The following KCNMB2 variants were observed in gnomAD, a reference collection of about 807,000 sequenced individuals.
The protein encoded by KCNMB2 is potassium calcium-activated channel subfamily M regulatory beta subunit 2.
A neutral mutation model predicts 24.5 loss-of-function variants in KCNMB2; 9 were observed. That is an observed-to-expected ratio of 0.37 (90% CI 0.22 to 0.64). The LOEUF is 0.64. Ranked by LOEUF, KCNMB2 falls within the 30% of genes least tolerant of loss-of-function variation. KCNMB2 has a pLI of 0.63. For missense variants in KCNMB2, 226 were observed against 284.3 expected, an observed-to-expected ratio of 0.79 and a Z score of 1.47; for synonymous variants, 109 against 104.4, an observed-to-expected ratio of 1.04 and a Z score of -0.27.
At chr3:178,745,511 G>T (rs1723636109) in intron 1 of KCNMB2, among the ~76,000 whole-genome samples, 1 of 151,982 alleles carries the variant, frequency 6.6e-6, no homozygotes, top group Non-Finnish European at 1.5e-5. Flanking sequence ...TCCACCCTTG[G>T]CCCCTCCCAA....
chr3:178,658,096 A>C (rs1400491497), intron 1 of KCNMB2, among the ~76,000 whole-genome samples: 1 of 152,174 alleles, frequency 6.6e-6, no homozygotes, highest in Non-Finnish European at 1.5e-5. Context: ...CTGTCTTGGT[A>C]TTGGCACTTT....
chr3:178,770,250 A>G (rs1275916162), intron 1 of KCNMB2, among the ~76,000 whole-genome samples: 4 of 152,228 alleles, frequency 2.6e-5, no homozygotes, highest in Non-Finnish European at 5.9e-5. Context: ...AGGCTATGCC[A>G]AGAACAAGAC....
At chr3:178,537,569 T>C (rs913635308) in intron 1 of KCNMB2, among the ~76,000 whole-genome samples, 1 of 152,232 alleles carries the variant, frequency 6.6e-6, no homozygotes, top group African/African-American at 2.4e-5. Flanking sequence ...AGGAACTTAT[T>C]ATACTGCTTT....
intron 1 of KCNMB2, among the ~76,000 whole-genome samples, chr3:178,783,801 T>C (rs1023518576): frequency 6.6e-5 from 10 of 152,186 alleles, no homozygotes; most frequent in Non-Finnish European, 4.4e-5. Context: ...TCCTGCCTAA[T>C]TGCCCTGGCC....
chr3:178,627,258 CCT>C (rs1470459527), intron 1 of KCNMB2, among the ~76,000 whole-genome samples: 1 of 152,088 alleles, frequency 6.6e-6, no homozygotes, highest in Non-Finnish European at 1.5e-5. Flanking sequence ...TAATATTTTT[CCT>C]TAAATGTACA....
At chr3:178,577,614 G>C (rs1717042960) in intron 1 of KCNMB2, among the ~76,000 whole-genome samples, 1 of 152,086 alleles carries the variant, frequency 6.6e-6, no homozygotes, top group African/African-American at 2.4e-5. Flanking sequence ...AGGAAGCTAA[G>C]AACCTTGAAA....
At chr3:178,612,788 T>C (rs1049239176) in intron 1 of KCNMB2, among the ~76,000 whole-genome samples, 2 of 152,158 alleles carry the variant, frequency 1.3e-5, no homozygotes, top group African/African-American at 4.8e-5. Context: ...TTATTTGTTT[T>C]CTGGTTGTTT....
intron 1 of KCNMB2, among the ~76,000 whole-genome samples, chr3:178,607,628 C>CGTGT (rs143508589): frequency 1.3e-3 from 195 of 147,358 alleles, no homozygotes; most frequent in Non-Finnish European, 1.6e-3. Flanking sequence ...ATTGTGCATG[C>CGTGT]GTGTGTGTGT....
At chr3:178,730,144 G>A (rs183153544) in intron 1 of KCNMB2, among the ~76,000 whole-genome samples, 26 of 152,144 alleles carry the variant, frequency 1.7e-4, no homozygotes, top group South Asian at 1.7e-3. Context: ...ATTCTACCAC[G>A]TTCCAAGAAG....
chr3:178,719,148 T>G (rs183726438), intron 1 of KCNMB2, among the ~76,000 whole-genome samples: 2 of 152,346 alleles, frequency 1.3e-5, no homozygotes, highest in East Asian at 3.9e-4. Flanking sequence ...TTCTTGCATT[T>G]TCATCAGTTG....
chr3:178,826,893 C>T (rs1200642399), intron 3 of KCNMB2, among the ~76,000 whole-genome samples: 1 of 152,154 alleles, frequency 6.6e-6, no homozygotes, highest in South Asian at 2.1e-4. Context: ...CCCAAGTGGT[C>T]GTTGATTCCA....
At chr3:178,581,010 A>G (rs1202485889) in intron 1 of KCNMB2, among the ~76,000 whole-genome samples, 1 of 152,212 alleles carries the variant, frequency 6.6e-6, no homozygotes, top group African/African-American at 2.4e-5. Context: ...AGAATTAGAA[A>G]AAACTACCTT....
At chr3:178,656,790 AG>A (rs1399709941) in intron 1 of KCNMB2, among the ~76,000 whole-genome samples, 2 of 152,158 alleles carry the variant, frequency 1.3e-5, no homozygotes, top group Non-Finnish European at 2.9e-5. Context: ...AAATAAATAA[AG>A]GAATGCTGTA....
At chr3:178,821,114 T>C (rs1560035015) in intron 2 of KCNMB2, among the ~76,000 whole-genome samples, 1 of 152,200 alleles carries the variant, frequency 6.6e-6, no homozygotes, top group Non-Finnish European at 1.5e-5. Flanking sequence ...TCCACATCAG[T>C]GAATTGTCCC....
intron 1 of KCNMB2, among the ~76,000 whole-genome samples, chr3:178,806,067 T>C (rs1281923485): frequency 6.6e-6 from 1 of 152,210 alleles, no homozygotes; most frequent in Non-Finnish European, 1.5e-5. Context: ...AGTTTGAGGC[T>C]GCAGTGAGCT....
intron 4 of KCNMB2, among the ~76,000 whole-genome samples, chr3:178,836,209 A>C (rs939826923): frequency 6.6e-6 from 1 of 152,106 alleles, no homozygotes; most frequent in Non-Finnish European, 1.5e-5. Flanking sequence ...TTCGCTTCAC[A>C]CAAGCCTAGT....
chr3:178,545,082 C>A (rs1237993329), intron 1 of KCNMB2, among the ~76,000 whole-genome samples: 1 of 152,096 alleles, frequency 6.6e-6, no homozygotes, highest in Non-Finnish European at 1.5e-5. Context: ...TCCACAGAAT[C>A]CCCTTTGCAC....
intron 2 of KCNMB2, among the ~76,000 whole-genome samples, chr3:178,820,093 T>G (rs1714567295): frequency 6.6e-6 from 1 of 152,212 alleles, no homozygotes. Context: ...ATACAAAAAT[T>G]TATTTATATT....
At chr3:178,813,995 C>T (rs1714304305) in intron 2 of KCNMB2, among the ~76,000 whole-genome samples, 2 of 149,838 alleles carry the variant, frequency 1.3e-5, no homozygotes, top group Middle Eastern at 6.8e-3. Flanking sequence ...GCTGCTGCTG[C>T]TGTTGTTTTT....
Sources: allele counts gnomAD v4.1 joint callset (sites outside exome capture counted in the v4.1 genomes callset), GRCh38; gene constraint gnomAD v4.1.1; transcripts MANE v1.5; gene names NCBI Gene and HGNC (gene_info 2026-07-23, HGNC 2026-07-21).